The following PGR variants were observed in gnomAD, a reference collection of about 807,000 sequenced individuals.
PGR encodes the protein nuclear receptor subfamily 3 group C member 3.
A neutral mutation model predicts 76.1 loss-of-function variants in PGR; 25 were observed. That is an observed-to-expected ratio of 0.33 (90% CI 0.24 to 0.46). The LOEUF (loss-of-function observed/expected upper bound fraction) is 0.46. Ranked by LOEUF, PGR falls within the 20% of genes least tolerant of loss-of-function variation. The pLI, the probability that PGR is intolerant of heterozygous loss-of-function variation, is 1.00. For synonymous variants in PGR, 579 were observed against 535.0 expected (o/e 1.08, Z -1.14); for missense variants, 1,172 against 1,225.3 (o/e 0.96, Z 0.65).
At position 101,062,511 on chromosome 11, in the gene PGR, T is replaced by C. The variant is rs1429310521; in HGVS notation, c.2148A>G (p.Thr716=). 9 of 1,614,058 alleles carry C rather than the reference T, an allele frequency of 5.6e-6. No homozygotes were observed. Among genetic ancestry groups the C allele is most frequent in the Non-Finnish European group, 7.6e-6 (9 of 1,179,918 alleles). ...TKPDTSSSLL[T]SLNQLGERQL... ...GCCTCTCGCCTAGTTGATTAAGACTTGTCAGCAAAGAACTGGAGGTGTCAG... is the reference window on the plus strand; with the variant it reads ...GCCTCTCGCCTAGTTGATTAAGACTCGTCAGCAAAGAACTGGAGGTGTCAG... Residue 716 remains threonine, a synonymous_variant, in exon 4 of 8, where the codon ACA becomes ACG. Coordinates refer to ENST00000325455, the MANE Select transcript of PGR (RefSeq NM_000926.4).
rs1565372311 is a variant in PGR, at chr11:101,127,542, GCGGGGGCCGCCC to G, written c.1517_1528del (p.Gly506_Pro509del). 1 of 1,421,428 alleles carries G rather than the reference GCGGGGGCCGCCC, an allele frequency of 7.0e-7. No homozygotes were observed. The highest frequency in any genetic ancestry group is 2.6e-5 in the Admixed American group (1 of 38,176). The allele number at this position is 1,421,428 out of a possible 1,614,324, so 88.1% of individuals were successfully genotyped here. On this transcript the variant is annotated inframe_deletion, in exon 1 of 8. Transcript: ENST00000325455. ...GTTGAGGCCGAGTGCAGGGTAGAGC[GCGGGGGCCGCCC>G]CGGCGGCGGCGGCAGAGGCGGAGGT...
At chr11:101,073,686 G>A (rs895591421) in intron 3 of PGR, among the ~76,000 whole-genome samples, 8 of 152,266 alleles carry the variant, frequency 5.3e-5, no homozygotes, top group Admixed American at 4.6e-4. Flanking sequence ...ACTACCATCA[G>A]AGAATACTAT....
chr11:101,127,728 A>G lies in PGR; in HGVS notation c.1343T>C (p.Val448Ala), dbSNP rs372127017. The change falls in exon 1 of 8, where the codon GTC becomes GCC. Residue 448 changes from valine to alanine, a missense_variant. Transcript: ENST00000325455. Reference sequence around the variant, plus strand: ...CGACCCCGAGGAGGACGCAGACGAGACTGAGGCACTGGCGGGTGCGGCCGT... The same window carrying G: ...CGACCCCGAGGAGGACGCAGACGAGGCTGAGGCACTGGCGGGTGCGGCCGT... ...AVTAAPASAS[V>A]SSASSSGSTL... 356 of 1,585,754 alleles carry G rather than the reference A, an allele frequency of 2.2e-4. No individual in the cohort carries two copies. Among genetic ancestry groups the G allele is most frequent in the South Asian group, 7.1e-4 (63 of 88,996 alleles).
intron 2 of PGR, among the ~76,000 whole-genome samples, chr11:101,092,491 TAAAG>T (rs1449960979): frequency 1.3e-5 from 2 of 152,114 alleles, no homozygotes; most frequent in Non-Finnish European, 2.9e-5. Context: ...GAAATAATGA[TAAAG>T]GAAGAACTTA....
At chr11:101,095,366 C>T (rs1395138811) in intron 2 of PGR, among the ~76,000 whole-genome samples, 1 of 152,154 alleles carries the variant, frequency 6.6e-6, no homozygotes, top group Non-Finnish European at 1.5e-5. Context: ...AAGCTCAGAT[C>T]TGCAACTTAC....
intron 3 of PGR, among the ~76,000 whole-genome samples, chr11:101,072,140 C>T (rs1860959308): frequency 6.6e-6 from 1 of 152,144 alleles, no homozygotes; most frequent in Non-Finnish European, 1.5e-5. Flanking sequence ...CTGCTGAAAC[C>T]CTACATGCCA....
At chr11:101,051,618 C>G in intron 4 of PGR, 50 bp from the exon 5 acceptor site, 1 of 1,371,356 alleles carries the variant, frequency 7.3e-7, no homozygotes, top group Non-Finnish European at 1.0e-6. Context: ...ACTGAATTAT[C>G]TCAAAAATGT....
At chr11:101,084,651 C>T (rs1427819248) in intron 3 of PGR, among the ~76,000 whole-genome samples, 1 of 135,222 alleles carries the variant, frequency 7.4e-6, no homozygotes, top group Admixed American at 7.8e-5. Context: ...GAGTAAGACT[C>T]CATCTAAAAA....
rs1360936318 is a variant in PGR at position 101,128,012 on chromosome 11, G to A, written c.1059C>T (p.Val353=). ...CGCAGTCGGGGAAGTCGCCTACAGCGACCGGGGTGGACGAGGCACAGGGTG... is the reference window on the plus strand; with the variant it reads ...CGCAGTCGGGGAAGTCGCCTACAGCAACCGGGGTGGACGAGGCACAGGGTG... ...RSSPCASSTP[V]AVGDFPDCAY... The change falls in exon 1 of 8, where the codon GTC becomes GTT. Residue 353 remains valine, a synonymous_variant. Coordinates refer to ENST00000325455, the MANE Select transcript of PGR (RefSeq NM_000926.4). The A allele has an allele frequency of 1.2e-6, 2 of 1,609,830 alleles. No homozygotes were observed. Among genetic ancestry groups the A allele is most frequent in the Non-Finnish European group, 1.7e-6 (2 of 1,179,820 alleles).
Position 101,127,878 on chromosome 11 carries a change from G to T in PGR, c.1193C>A (p.Ala398Glu). 6.2e-7 allele frequency: 1 copy of T among 1,602,720 alleles called. No individual in the cohort carries two copies. Among genetic ancestry groups the T allele is most frequent in the Non-Finnish European group, 8.5e-7 (1 of 1,177,966 alleles). Reference protein sequence around the residue: ...KEEEEGAEASARSPRSYLVAG... With the variant: ...KEEEEGAEASERSPRSYLVAG... ...CACAAGGTAGGAACGCGGGGAGCGC[G>T]CGGAGGCCTCCGCGCCTTCCTCCTC... Residue 398 changes from alanine to glutamate, a missense_variant, in exon 1 of 8, where the codon GCG becomes GAG. This residue lies in a region of PGR where 893 missense variants were observed against 785.9 expected (regional missense o/e 1.14). Transcript: ENST00000325455.
At position 101,086,550 on chromosome 11, in the gene PGR, T is replaced by C. The variant is rs189946029; in HGVS notation, c.1906+5210A>G. On this transcript the variant is annotated intron_variant, in intron 3 of 7. Coordinates refer to ENST00000325455, the MANE Select transcript of PGR (RefSeq NM_000926.4). ...TGGAAAAAGTTAAGGATGCTCACTC[T>C]CACCACTCCTGTTAACACTGGAAGT... is the stretch of plus-strand genomic sequence containing the variant. Among the ~76,000 whole-genome samples the C allele has an allele frequency of 2.4e-4, 36 of 152,196 alleles. No individual in the cohort carries two copies. In the East Asian group the frequency reaches 6.8e-3, roughly 29 times the overall value.
At chr11:101,108,604 T>C (rs184861682) in intron 2 of PGR, among the ~76,000 whole-genome samples, 1 of 152,350 alleles carries the variant, frequency 6.6e-6, no homozygotes, top group Non-Finnish European at 1.5e-5. Flanking sequence ...TGCCCAGTGG[T>C]GTGCTTTAGT....
At chr11:101,082,048 C>T (rs1342425847) in intron 3 of PGR, among the ~76,000 whole-genome samples, 1 of 152,086 alleles carries the variant, frequency 6.6e-6, no homozygotes, top group Non-Finnish European at 1.5e-5. Context: ...GGGCACATTT[C>T]CCCCATACTG....
intron 3 of PGR, among the ~76,000 whole-genome samples, chr11:101,064,197 G>T (rs1156289408): frequency 6.6e-6 from 1 of 151,370 alleles, no homozygotes; most frequent in Non-Finnish European, 1.5e-5. Context: ...TGGGTGTGGT[G>T]GTGGGCACCT....
intron 3 of PGR, among the ~76,000 whole-genome samples, chr11:101,086,624 A>T (rs1350943606): frequency 6.6e-6 from 1 of 152,174 alleles, no homozygotes; most frequent in Non-Finnish European, 1.5e-5. Context: ...GCATTCAAAC[A>T]TGAAAAAAAG....
At chr11:101,106,227 G>A (rs1018056245) in intron 2 of PGR, among the ~76,000 whole-genome samples, 3 of 152,236 alleles carry the variant, frequency 2.0e-5, no homozygotes, top group Non-Finnish European at 2.9e-5. Flanking sequence ...ATTGACAAAT[G>A]GGATCTAATT....
intron 4 of PGR, among the ~76,000 whole-genome samples, chr11:101,062,169 G>A (rs6590838): frequency 0.021 from 3,204 of 152,154 alleles, 83 homozygotes; most frequent in African/African-American, 0.057. Context: ...AATATCTGTG[G>A]TTGAACACAT....
At position 101,030,213 on chromosome 11, in the gene PGR, G is replaced by C. The variant is rs961117343; in HGVS notation, c.*8903C>G. The C allele has an allele frequency of 1.4e-5, 3 of 222,158 alleles. No homozygotes were observed. Among genetic ancestry groups the C allele is most frequent in the Admixed American group, 5.8e-5 (1 of 17,370 alleles). The allele number at this position is 222,158 out of a possible 1,614,324, so 13.8% of individuals were successfully genotyped here. On this transcript the variant is annotated 3_prime_UTR_variant, in exon 8 of 8. Coordinates refer to ENST00000325455, the MANE Select transcript of PGR (RefSeq NM_000926.4). ...ATGAGAAAGATTCCCTGCATCTCTTGCCAAGTATTAACACTAGTTTTACTA... is the reference window on the plus strand; with the variant it reads ...ATGAGAAAGATTCCCTGCATCTCTTCCCAAGTATTAACACTAGTTTTACTA...
intron 3 of PGR, among the ~76,000 whole-genome samples, chr11:101,076,919 ATTTTTTTTTTT>A (rs59106149): frequency 1.2e-3 from 75 of 65,158 alleles, no homozygotes; most frequent in Middle Eastern, 0.013. Context: ...TACAAATGGA[ATTTTTTTTTTT>A]TTTTTTTTTT....
Sources: allele counts gnomAD v4.1 joint callset (sites outside exome capture counted in the v4.1 genomes callset), GRCh38; gene constraint gnomAD v4.1.1; regional missense constraint gnomAD v4.1.1; transcripts MANE v1.5; gene names NCBI Gene and HGNC (gene_info 2026-07-23, HGNC 2026-07-21).